The following RORB variants were observed in gnomAD, a reference collection of about 807,000 sequenced individuals.
The protein encoded by RORB is RAR related orphan receptor B.
In RORB, 6 loss-of-function variants were observed where a neutral mutation model predicts 59.1. The ratio of observed to expected loss-of-function variants is 0.10; its 90% CI spans 0.06 to 0.20. The LOEUF (loss-of-function observed/expected upper bound fraction) is 0.20, where lower values mean the gene tolerates loss of function less well. RORB is among the 10% of genes least tolerant of loss of function. RORB has a pLI of 1.00. For synonymous variants in RORB, 215 were observed against 204.5 expected (o/e 1.05, Z -0.44); for missense variants, 320 against 560.5 (o/e 0.57, Z 4.33).
At chr9:74,651,793 T>G (rs1823997744) in intron 4 of RORB, among the ~76,000 whole-genome samples, 1 of 152,208 alleles carries the variant, frequency 6.6e-6, no homozygotes, top group Admixed American at 6.5e-5. Context: ...TTTAAGTAAA[T>G]TAATCTTTCT....
intron 1 of RORB, among the ~76,000 whole-genome samples, chr9:74,617,844 C>T (rs1823338047): frequency 1.3e-5 from 2 of 152,090 alleles, no homozygotes; most frequent in South Asian, 4.2e-4. Context: ...AAAAGGCCAC[C>T]TGGGTAAAGA....
At chr9:74,512,961 AT>A (rs1308462611) in intron 1 of RORB, among the ~76,000 whole-genome samples, 1 of 152,172 alleles carries the variant, frequency 6.6e-6, no homozygotes, top group Non-Finnish European at 1.5e-5. Flanking sequence ...AAAATGATCG[AT>A]TTTAATGAAT....
chr9:74,666,533 T>C (rs191801573), intron 7 of RORB, among the ~76,000 whole-genome samples: 3 of 151,852 alleles, frequency 2.0e-5, no homozygotes, highest in Non-Finnish European at 4.4e-5. Flanking sequence ...GGCTGAATTA[T>C]AGATCATTCT....
intron 1 of RORB, among the ~76,000 whole-genome samples, chr9:74,537,661 A>C (rs1350782049): frequency 1.3e-5 from 2 of 152,044 alleles, no homozygotes; most frequent in Non-Finnish European, 2.9e-5. Flanking sequence ...TTTAAATGTC[A>C]TTTGATGAGT....
intron 1 of RORB, among the ~76,000 whole-genome samples, chr9:74,628,951 A>T (rs752743989): frequency 6.6e-6 from 1 of 152,140 alleles, no homozygotes; most frequent in Non-Finnish European, 1.5e-5. Context: ...AATTGCACAC[A>T]TAGAAAATAG....
intron 1 of RORB, among the ~76,000 whole-genome samples, chr9:74,617,211 G>T (rs757741437): frequency 3.3e-5 from 5 of 151,782 alleles, no homozygotes; most frequent in African/African-American, 1.2e-4. Context: ...ACAAATTAAC[G>T]TATAAGAAAC....
intron 1 of RORB, among the ~76,000 whole-genome samples, chr9:74,525,127 G>A (rs1826139128): frequency 6.6e-6 from 1 of 151,814 alleles, no homozygotes; most frequent in Non-Finnish European, 1.5e-5. Context: ...GATCAAGAAT[G>A]ACAATATTAG....
chr9:74,535,185 T>G (rs980040351), intron 1 of RORB, among the ~76,000 whole-genome samples: 11 of 152,140 alleles, frequency 7.2e-5, no homozygotes, highest in African/African-American at 2.6e-4. Context: ...TGTGTGTCTG[T>G]GTGTACAACA....
chr9:74,581,320 A>C (rs1003904976), intron 1 of RORB, among the ~76,000 whole-genome samples: 1 of 152,196 alleles, frequency 6.6e-6, no homozygotes, highest in African/African-American at 2.4e-5. Context: ...TGAGCTGTAA[A>C]CAAACATTCT....
At chr9:74,682,069 A>G (rs375291761) in intron 9 of RORB, among the ~76,000 whole-genome samples, 5 of 152,062 alleles carry the variant, frequency 3.3e-5, no homozygotes, top group African/African-American at 1.2e-4. Flanking sequence ...CCTGAAAGGA[A>G]GAGAGATATC....
intron 4 of RORB, among the ~76,000 whole-genome samples, chr9:74,648,148 A>G (rs1218040472): frequency 6.6e-6 from 1 of 152,192 alleles, no homozygotes; most frequent in Non-Finnish European, 1.5e-5. Flanking sequence ...TTACTTGAAC[A>G]ATATGGGAAA....
chr9:74,609,139 C>A (rs1198997182), intron 1 of RORB, among the ~76,000 whole-genome samples: 1 of 152,196 alleles, frequency 6.6e-6, no homozygotes, highest in Non-Finnish European at 1.5e-5. Context: ...CTACTACATA[C>A]CAGAATATTG....
At chr9:74,529,601 A>C (rs1826205785) in intron 1 of RORB, among the ~76,000 whole-genome samples, 1 of 151,732 alleles carries the variant, frequency 6.6e-6, no homozygotes, top group East Asian at 1.9e-4. Context: ...ATTTATGTTT[A>C]TTTTAAAATA....
At chr9:74,654,923 T>G (rs1170908969) in intron 4 of RORB, among the ~76,000 whole-genome samples, 1 of 152,206 alleles carries the variant, frequency 6.6e-6, no homozygotes, top group Non-Finnish European at 1.5e-5. Flanking sequence ...AGCAAGTGAT[T>G]GTTCATGAAA....
At chr9:74,625,921 T>G (rs12002223) in intron 1 of RORB, among the ~76,000 whole-genome samples, 47,376 of 152,188 alleles carry the variant, frequency 0.31, 7,553 homozygotes, top group Non-Finnish European at 0.35. Context: ...TTATTACCAT[T>G]CTTAATGTAT....
chr9:74,606,933 CTTG>C (rs908629944), intron 1 of RORB, among the ~76,000 whole-genome samples: 2 of 152,124 alleles, frequency 1.3e-5, no homozygotes, highest in African/African-American at 4.8e-5. Context: ...TGTTGTTGTT[CTTG>C]TTGTTGTGAT....
At chr9:74,575,558 A>C (rs910866758) in intron 1 of RORB, among the ~76,000 whole-genome samples, 7 of 152,086 alleles carry the variant, frequency 4.6e-5, no homozygotes, top group Non-Finnish European at 8.8e-5. Flanking sequence ...TCTAACTTTC[A>C]TTTACTATTA....
chr9:74,659,315 G>A (rs774980445), intron 4 of RORB, among the ~76,000 whole-genome samples: 1 of 152,200 alleles, frequency 6.6e-6, no homozygotes, highest in Admixed American at 6.5e-5. Context: ...TTTGAGGGCT[G>A]TCCTGGAGAA....
chr9:74,547,275 T>G (rs1051241080), intron 1 of RORB, among the ~76,000 whole-genome samples: 4 of 152,076 alleles, frequency 2.6e-5, no homozygotes, highest in Admixed American at 2.6e-4. Context: ...GGAACCTGGC[T>G]TTAAATAAGG....
Sources: allele counts gnomAD v4.1 joint callset (sites outside exome capture counted in the v4.1 genomes callset), GRCh38; gene constraint gnomAD v4.1.1; transcripts MANE v1.5; gene names NCBI Gene and HGNC (gene_info 2026-07-23, HGNC 2026-07-21).